OSBPL1A: variants seen among roughly 807,000 people sequenced by gnomAD.
The protein encoded by OSBPL1A is oxysterol-binding protein-related protein 1.
A neutral mutation model predicts 137.1 loss-of-function variants in OSBPL1A; 80 were observed. That is an observed-to-expected ratio of 0.58 (90% CI 0.49 to 0.70). The LOEUF is 0.70. Among genes scored for constraint, OSBPL1A ranks in the 30% least tolerant of loss-of-function variants. The probability of loss-of-function intolerance (pLI) is 0.00; values close to 1 mark genes in which losing one functional copy is unlikely to be tolerated. For missense variants in OSBPL1A, 970 were observed against 1,129.4 expected (o/e 0.86, Z 2.02); for synonymous variants, 365 against 389.7 (o/e 0.94, Z 0.75).
intron 17 of OSBPL1A, among the ~76,000 whole-genome samples, chr18:24,217,220 T>C (rs2087730741): frequency 6.6e-6 from 1 of 151,548 alleles, no homozygotes; most frequent in African/African-American, 2.4e-5. Flanking sequence ...AAGGAGGTGT[T>C]AGGAAGCTCT....
At chr18:24,326,215 TG>T (rs976454776) in intron 7 of OSBPL1A, among the ~76,000 whole-genome samples, 2 of 152,230 alleles carry the variant, frequency 1.3e-5, no homozygotes, top group African/African-American at 4.8e-5. Context: ...ACTGTGCTTC[TG>T]GGGACAATGT....
At chr18:24,276,041 T>C (rs2089839811) in intron 15 of OSBPL1A, among the ~76,000 whole-genome samples, 1 of 152,054 alleles carries the variant, frequency 6.6e-6, no homozygotes, top group Non-Finnish European at 1.5e-5. Flanking sequence ...ATTCCAGTCA[T>C]ACAGTTGGGT....
chr18:24,175,637 T>C (rs2086426446), intron 21 of OSBPL1A, among the ~76,000 whole-genome samples: 3 of 152,246 alleles, frequency 2.0e-5, no homozygotes, highest in Non-Finnish European at 2.9e-5. Flanking sequence ...AGGTTTTTAA[T>C]TTAATAACAT....
intron 15 of OSBPL1A, among the ~76,000 whole-genome samples, chr18:24,275,853 G>A (rs993694936): frequency 2.0e-5 from 3 of 151,622 alleles, no homozygotes; most frequent in East Asian, 1.9e-4. Flanking sequence ...TCAGCCTCCC[G>A]AGTAGCTGGG....
At position 24,397,775 on chromosome 18, in the gene OSBPL1A, AC is replaced by A. The variant is rs1420573004; in HGVS notation, c.-124del. ...CAACTCTGGCTGGCACTCCCCGAGG[AC>A]GCTCGAGCCCGCGTAACGTCTGTCT... is the stretch of plus-strand genomic sequence containing the variant. On this transcript the variant is annotated 5_prime_UTR_variant, in exon 1 of 28. Coordinates refer to ENST00000319481, the MANE Select transcript of OSBPL1A (RefSeq NM_080597.4). 6.6e-6 allele frequency: 1 copy of A among 152,098 alleles called. No homozygotes were observed. Among genetic ancestry groups the A allele is most frequent in the Non-Finnish European group, 1.5e-5 (1 of 68,020 alleles). The allele number at this position is 152,098 out of a possible 1,614,324, so 9.4% of individuals were successfully genotyped here.
chr18:24,242,015 C>T (rs1239974923), intron 15 of OSBPL1A, among the ~76,000 whole-genome samples: 2 of 151,412 alleles, frequency 1.3e-5, no homozygotes, highest in Admixed American at 6.6e-5. Flanking sequence ...TCTCAGCAAA[C>T]TAACACAGGA....
At chr18:24,357,404 A>C (rs1364549256) in intron 4 of OSBPL1A, 1 of 152,152 alleles carries the variant, frequency 6.6e-6, no homozygotes, top group Non-Finnish European at 1.5e-5. Flanking sequence ...GGGGCAGGGG[A>C]ACAATTAGAT....
chr18:24,280,922 C>T lies in OSBPL1A; in HGVS notation c.1201G>A (p.Val401Ile), dbSNP rs2089943407. 6.2e-7 allele frequency: 1 copy of T among 1,605,614 alleles called. No homozygotes were observed. ...CTAGAAGCTTCTGAGACAACTTCAA[C>T]TTTCTGAAGAAATGATGGAAGCATT... ...KEMLPSFLQK[V>I]EVVSEASRET... The change falls in exon 15 of 28, where the codon GTT becomes ATT. Residue 401 changes from valine (V) to isoleucine (I), a missense_variant. Around this residue, in one of 2 missense-constraint regions of OSBPL1A, gnomAD observed 647 missense variants for 672.6 expected, o/e 0.96. Transcript: ENST00000319481.
At chr18:24,293,518 C>G (rs1035997085) in intron 14 of OSBPL1A, among the ~76,000 whole-genome samples, 1 of 152,148 alleles carries the variant, frequency 6.6e-6, no homozygotes, top group Non-Finnish European at 1.5e-5. Flanking sequence ...GCAGAGCAGA[C>G]GAGGAGGAGC....
chr18:24,335,754 CTA>C, intron 5 of OSBPL1A, among the ~76,000 whole-genome samples: 1 of 152,298 alleles, frequency 6.6e-6, no homozygotes, highest in African/African-American at 2.4e-5. Context: ...ACAGTAATCA[CTA>C]TGTGCTAAAT....
intron 16 of OSBPL1A, among the ~76,000 whole-genome samples, chr18:24,227,477 T>C (rs935361837): frequency 6.6e-6 from 1 of 152,174 alleles, no homozygotes; most frequent in African/African-American, 2.4e-5. Flanking sequence ...TTTCTCTGCA[T>C]TGAAGAAAGG....
At chr18:24,283,242 G>C (rs2089995762) in intron 14 of OSBPL1A, among the ~76,000 whole-genome samples, 1 of 118,838 alleles carries the variant, frequency 8.4e-6, no homozygotes, top group Non-Finnish European at 1.6e-5. Context: ...TCCAGCCTGG[G>C]AGACAGAGCA....
intron 14 of OSBPL1A, among the ~76,000 whole-genome samples, chr18:24,281,971 G>C (rs928069928): frequency 6.6e-6 from 1 of 152,084 alleles, no homozygotes; most frequent in African/African-American, 2.4e-5. Context: ...ACCCTATTGC[G>C]AACTGTGTAT....
At chr18:24,382,133 G>T (rs758265786) in intron 1 of OSBPL1A, among the ~76,000 whole-genome samples, 6 of 151,496 alleles carry the variant, frequency 4.0e-5, no homozygotes, top group Non-Finnish European at 7.4e-5. Flanking sequence ...GGGCGCAGTG[G>T]CTCATGCCTG....
At chr18:24,293,125 AAAAG>A (rs547691489) in intron 14 of OSBPL1A, among the ~76,000 whole-genome samples, 16,404 of 81,792 alleles carry the variant, frequency 0.2, 1,771 homozygotes, top group African/African-American at 0.39. Flanking sequence ...AAAAAAAAAA[AAAAG>A]AAAAGAAAAG....
intron 18 of OSBPL1A, among the ~76,000 whole-genome samples, chr18:24,185,285 A>G (rs2086714919): frequency 6.6e-6 from 1 of 151,994 alleles, no homozygotes; most frequent in African/African-American, 2.4e-5. Flanking sequence ...ATAAACTATG[A>G]ACTTGGGGTG....
chr18:24,321,177 T>C (rs2090846427), intron 7 of OSBPL1A, among the ~76,000 whole-genome samples: 2 of 152,190 alleles, frequency 1.3e-5, no homozygotes, highest in African/African-American at 4.8e-5. Context: ...CCCATTGAGA[T>C]ACAAATTAAC....
At chr18:24,363,828 G>C (rs1247579009) in intron 4 of OSBPL1A, among the ~76,000 whole-genome samples, 1 of 150,934 alleles carries the variant, frequency 6.6e-6, no homozygotes, top group Non-Finnish European at 1.5e-5. Context: ...TTAGAGATGG[G>C]ATTCTCCCTA....
chr18:24,226,497 T>C (rs2088080660), intron 16 of OSBPL1A, among the ~76,000 whole-genome samples: 1 of 152,226 alleles, frequency 6.6e-6, no homozygotes, highest in African/African-American at 2.4e-5. Flanking sequence ...TCCTCAGCTC[T>C]AAGAAAGGCT....
Sources: gnomAD v4.1 joint callset for allele counts (sites outside exome capture counted in the v4.1 genomes callset) on GRCh38, gnomAD v4.1.1 for gene constraint, gnomAD v4.1.1 regional missense constraint, MANE v1.5 for transcripts, NCBI Gene and HGNC (gene_info 2026-07-23, HGNC 2026-07-21) for gene names.